KIAA1549L: variants seen among roughly 807,000 people sequenced by gnomAD.
The protein encoded by KIAA1549L is KIAA1549 like, also known as UPF0606 protein KIAA1549L.
In KIAA1549L, 88 loss-of-function variants were observed where a neutral mutation model predicts 160.7. That is an observed-to-expected ratio of 0.55 (90% CI 0.46 to 0.65). The LOEUF (loss-of-function observed/expected upper bound fraction) is 0.65. Ranked by LOEUF, KIAA1549L falls within the 30% of genes least tolerant of loss-of-function variation. The pLI is 0.00. For missense variants in KIAA1549L, 2,258 were observed against 2,437.5 expected (o/e 0.93, Z 1.55); for synonymous variants, 950 against 976.7 (o/e 0.97, Z 0.51).
At chr11:33,563,533 T>A (rs1398739353) in intron 8 of KIAA1549L, among the ~76,000 whole-genome samples, 1 of 152,098 alleles carries the variant, frequency 6.6e-6, no homozygotes, top group Non-Finnish European at 1.5e-5. Context: ...GATGGGCTGC[T>A]GCCTAAAATA....
At chr11:33,642,310 C>A (rs1222754583) in intron 16 of KIAA1549L, among the ~76,000 whole-genome samples, 1 of 152,136 alleles carries the variant, frequency 6.6e-6, no homozygotes, top group African/African-American at 2.4e-5. Context: ...TCAACTTCCA[C>A]CTCAAGGGTG....
At chr11:33,504,090 A>G (rs1016701308) in intron 1 of KIAA1549L, among the ~76,000 whole-genome samples, 1 of 152,112 alleles carries the variant, frequency 6.6e-6, no homozygotes, top group Admixed American at 6.5e-5. Context: ...TGAAACCCCC[A>G]TCTCTACTAA....
chr11:33,546,873 A>G (rs1018536258), intron 3 of KIAA1549L, among the ~76,000 whole-genome samples: 1 of 152,248 alleles, frequency 6.6e-6, no homozygotes, highest in Non-Finnish European at 1.5e-5. Flanking sequence ...AAGGTCAACA[A>G]CAACCAGTAA....
At chr11:33,435,844 G>GTGTATATGTATA (rs1851366802) in intron 1 of KIAA1549L, among the ~76,000 whole-genome samples, 1 of 23,524 alleles carries the variant, frequency 4.3e-5, no homozygotes, top group Non-Finnish European at 9.5e-5. Context: ...ATATGTATAT[G>GTGTATATGTATA]TGTGTGTGTG....
At chr11:33,632,695 C>G (rs1851330028) in intron 16 of KIAA1549L, among the ~76,000 whole-genome samples, 1 of 152,124 alleles carries the variant, frequency 6.6e-6, no homozygotes, top group Non-Finnish European at 1.5e-5. Flanking sequence ...CCTCCCTCCT[C>G]AGCCTCCCAA....
intron 1 of KIAA1549L, among the ~76,000 whole-genome samples, chr11:33,538,031 C>T (rs1157513685): frequency 6.6e-6 from 1 of 152,166 alleles, no homozygotes; most frequent in Non-Finnish European, 1.5e-5. Flanking sequence ...TTAATTGACT[C>T]ACAGATCAGC....
intron 1 of KIAA1549L, among the ~76,000 whole-genome samples, chr11:33,422,705 T>A (rs920652351): frequency 6.6e-6 from 1 of 151,760 alleles, no homozygotes; most frequent in African/African-American, 2.4e-5. Context: ...CTCCCTATGC[T>A]CACTCCTCTT....
At chr11:33,441,458 A>G (rs1264349714) in intron 1 of KIAA1549L, among the ~76,000 whole-genome samples, 1 of 147,380 alleles carries the variant, frequency 6.8e-6, no homozygotes, top group African/African-American at 2.5e-5. Flanking sequence ...GCTGGGTCAA[A>G]TGGTATTTCT....
intron 1 of KIAA1549L, among the ~76,000 whole-genome samples, chr11:33,489,081 A>G (rs141667960): frequency 3.9e-5 from 6 of 152,328 alleles, no homozygotes; most frequent in African/African-American, 1.4e-4. Context: ...TAGCCACTGG[A>G]ACAGATATAC....
intron 10 of KIAA1549L, among the ~76,000 whole-genome samples, chr11:33,582,803 C>T (rs941241831): frequency 6.6e-5 from 10 of 152,130 alleles, no homozygotes; most frequent in African/African-American, 1.7e-4. Flanking sequence ...TTGACTAGAC[C>T]GAGGCATTTC....
chr11:33,393,712 C>A (rs1197773169), intron 1 of KIAA1549L, among the ~76,000 whole-genome samples: 1 of 152,150 alleles, frequency 6.6e-6, no homozygotes, highest in East Asian at 1.9e-4. Context: ...AGCAGTGCTA[C>A]TTATACCGTG....
chr11:33,393,376 C>T (rs1313264628), intron 1 of KIAA1549L, among the ~76,000 whole-genome samples: 1 of 152,188 alleles, frequency 6.6e-6, no homozygotes, highest in South Asian at 2.1e-4. Flanking sequence ...CCTGGGCCAT[C>T]CTTGAGGTCT....
rs1178288261 is a variant in KIAA1549L, at chr11:33,435,818, G to GTATATATA, written c.238+58935_238+58942dup. Among the ~76,000 whole-genome samples, 35 of 45,316 alleles carry GTATATATA rather than the reference G, an allele frequency of 7.7e-4. 2 individuals carry two copies. Among genetic ancestry groups the GTATATATA allele is most frequent in the Admixed American group, 1.5e-3 (6 of 3,924 alleles). 29.7% of individuals were successfully genotyped at this position (45,316 alleles called of 152,430 possible). On this transcript the variant is annotated intron_variant, in intron 1 of 20. Coordinates refer to ENST00000658780, the MANE Select transcript of KIAA1549L (RefSeq NM_012194.3). ...TATATATATATATATATATGTGTGT[G>GTATATATA]TATATATATATATGTATATGTATAT...
intron 1 of KIAA1549L, among the ~76,000 whole-genome samples, chr11:33,433,973 T>C (rs1467893458): frequency 6.6e-6 from 1 of 151,478 alleles, no homozygotes; most frequent in Non-Finnish European, 1.5e-5. Context: ...ACTTAGAGGA[T>C]GGGTCAATAG....
At chr11:33,663,744 C>T (rs1423500834) in intron 20 of KIAA1549L, among the ~76,000 whole-genome samples, 1 of 152,148 alleles carries the variant, frequency 6.6e-6, no homozygotes, top group Non-Finnish European at 1.5e-5. Flanking sequence ...TGAGAGACTC[C>T]CTGCTCTTGC....
At chr11:33,544,475 G>C in intron 2 of KIAA1549L, 139 bp downstream of exon 2, 1 of 934,716 alleles carries the variant, frequency 1.1e-6, no homozygotes, top group Non-Finnish European at 1.6e-6. Flanking sequence ...TCAGGAATGA[G>C]TTAGTAGCCC....
At position 33,519,723 on chromosome 11, in the gene KIAA1549L, A is replaced by G. The variant is rs78403940; in HGVS notation, c.239-22079A>G. On this transcript the variant is annotated intron_variant, in intron 1 of 20. Transcript: ENST00000658780. ...TTAGAGGGGGGTACATCAGAGAAGGAGAGCATTTTCCATCATTTAAAAAGT... is the reference window on the plus strand; with the variant it reads ...TTAGAGGGGGGTACATCAGAGAAGGGGAGCATTTTCCATCATTTAAAAAGT... Among the ~76,000 whole-genome samples, 755 of 152,272 alleles carry G rather than the reference A, an allele frequency of 5.0e-3. 3 individuals carry two copies. Among genetic ancestry groups the G allele is most frequent in the African/African-American group, 0.017 (700 of 41,552 alleles).
intron 1 of KIAA1549L, among the ~76,000 whole-genome samples, chr11:33,385,210 A>C (rs1009428045): frequency 9.9e-5 from 15 of 152,202 alleles, no homozygotes; most frequent in Non-Finnish European, 1.9e-4. Context: ...CCACTTATTG[A>C]AAAGACTATC....
chr11:33,464,515 T>TGTGCAC (rs1554980365), intron 1 of KIAA1549L, among the ~76,000 whole-genome samples: 1 of 129,980 alleles, frequency 7.7e-6, no homozygotes, highest in Non-Finnish European at 1.7e-5. Flanking sequence ...TGTGTGTGCG[T>TGTGCAC]GCGCGCATGC....
Sources: gnomAD v4.1 joint callset for allele counts (sites outside exome capture counted in the v4.1 genomes callset) on GRCh38, gnomAD v4.1.1 for gene constraint, MANE v1.5 for transcripts, NCBI Gene and HGNC (gene_info 2026-07-23, HGNC 2026-07-21) for gene names.